Variants in CLIP2 observed in about 807,000 individuals in gnomAD.
The protein encoded by CLIP2 is CAP-Gly domain containing linker protein 2, also known as CAP-Gly domain-containing linker protein 2.
A neutral mutation model predicts 111.7 loss-of-function variants in CLIP2; 41 were observed. The observed-to-expected ratio is 0.37, with a 90% CI of 0.29 to 0.48. The LOEUF (loss-of-function observed/expected upper bound fraction) is 0.48. Among genes scored for constraint, CLIP2 ranks in the 20% least tolerant of loss-of-function variants. The probability of loss-of-function intolerance (pLI) is 0.99; values close to 1 mark genes in which losing one functional copy is unlikely to be tolerated. For synonymous variants in CLIP2, 660 were observed against 644.2 expected, an observed-to-expected ratio of 1.02 and a Z score of -0.37; for missense variants, 1,160 against 1,422.1, an observed-to-expected ratio of 0.82 and a Z score of 2.96.
chr7:74,397,728 G>A (rs567550981), intron 14 of CLIP2, among the ~76,000 whole-genome samples: 11 of 144,436 alleles, frequency 7.6e-5, no homozygotes, highest in South Asian at 2.3e-4. Flanking sequence ...GTGCAGTGGC[G>A]CGATCTCAGC....
intron 13 of CLIP2, among the ~76,000 whole-genome samples, chr7:74,393,269 C>T (rs1791347942): frequency 6.6e-6 from 1 of 151,960 alleles, no homozygotes; most frequent in Admixed American, 6.6e-5. Context: ...CTCAAGTGAT[C>T]TGCCTGCCTC....
At chr7:74,344,872 T>C (rs1277195356) in intron 3 of CLIP2, among the ~76,000 whole-genome samples, 1 of 151,966 alleles carries the variant, frequency 6.6e-6, no homozygotes, top group Non-Finnish European at 1.5e-5. Flanking sequence ...AACAACCCAG[T>C]CTCACAGACG....
rs147869958 is a variant in CLIP2, at chr7:74,338,479, C to T, written c.153C>T (p.Pro51=). The part of the protein sequence containing the change: ...GSPLHKQSSG[P]SSSPAAAAAP... Reference sequence around the variant, plus strand: ...CACTGCACAAACAGTCATCTGGACCCTCCTCCTCCCCGGCCGCAGCTGCTG... The same window carrying T: ...CACTGCACAAACAGTCATCTGGACCTTCCTCCTCCCCGGCCGCAGCTGCTG... Residue 51 remains proline (P), a synonymous_variant, in exon 3 of 17, where the codon CCC becomes CCT. Coordinates refer to ENST00000223398, the MANE Select transcript of CLIP2 (RefSeq NM_003388.5). This position sits in a 1 kb window ranked among gnomAD's most constrained non-coding sequence, Gnocchi z 4.3. 352 of 1,612,290 alleles carry T rather than the reference C, an allele frequency of 2.2e-4. 1 individual carries two copies. In the African/African-American group the frequency reaches 3.9e-3, roughly 18 times the overall value.
intron 14 of CLIP2, among the ~76,000 whole-genome samples, chr7:74,400,149 CAAA>C (rs781818573): frequency 9.4e-4 from 52 of 55,548 alleles, no homozygotes; most frequent in Admixed American, 3.5e-3. Context: ...GACTCTGTCT[CAAA>C]AAAAAAAAAA....
chr7:74,387,842 G>A (rs563387356), intron 12 of CLIP2, among the ~76,000 whole-genome samples: 4 of 152,278 alleles, frequency 2.6e-5, no homozygotes, highest in African/African-American at 4.8e-5. Flanking sequence ...GTTCTCTCAG[G>A]CCCCTTGCCA....
Position 74,404,096 on chromosome 7 carries a change from GCC to G in CLIP2, c.*249_*250del. On this transcript the variant is annotated 3_prime_UTR_variant, in exon 17 of 17. Coordinates refer to ENST00000223398, the MANE Select transcript of CLIP2 (RefSeq NM_003388.5). ...CCCCGGCCTGACCCGGGGACCTTCA[GCC>G]TGGACACCCGGCAGCTTCTGGAGTT... The G allele has an allele frequency of 2.0e-6, 1 of 510,670 alleles. No homozygotes were observed. The highest frequency in any genetic ancestry group is 2.1e-5 in the South Asian group (1 of 47,448). The allele number at this position is 510,670 out of a possible 1,614,324, so 31.6% of individuals were successfully genotyped here.
chr7:74,343,354 G>C (rs1224973083), intron 3 of CLIP2, among the ~76,000 whole-genome samples: 1 of 152,036 alleles, frequency 6.6e-6, no homozygotes, highest in Non-Finnish European at 1.5e-5. Flanking sequence ...CATCCAACAG[G>C]ACCTGGGCAA....
intron 7 of CLIP2, among the ~76,000 whole-genome samples, chr7:74,361,176 T>TTTCTTTCC (rs782530912): frequency 2.1e-4 from 13 of 62,016 alleles, no homozygotes; most frequent in African/African-American, 7.5e-4. Context: ...CCCTCCCTTC[T>TTTCTTTCC]TTCCTTCCTT....
intron 8 of CLIP2, among the ~76,000 whole-genome samples, chr7:74,366,769 C>T (rs938544946): frequency 2.0e-5 from 3 of 150,964 alleles, no homozygotes; most frequent in African/African-American, 2.4e-5. Context: ...CCAGCTACTC[C>T]GGAGGCTGAG....
In CLIP2 at chr7:74,338,286, G is replaced by C. The variant is rs1289195116; in HGVS notation, c.122-162G>C. 6.6e-6 allele frequency among the ~76,000 whole-genome samples: 1 copy of C among 152,140 alleles called. No homozygotes were observed. The highest frequency in any genetic ancestry group is 1.5e-5 in the Non-Finnish European group (1 of 68,038). ...GGAAGCCAAGGCGGGCGGATTTCTT[G>C]AGGTCAGGAGTTCGAGACCAGCCTG... is the stretch of plus-strand genomic sequence containing the variant. On this transcript the variant is annotated intron_variant, in intron 2 of 16. Transcript: ENST00000223398. The surrounding 1 kb of genome is among the most constrained non-coding windows in gnomAD (Gnocchi z 4.3).
Position 74,330,578 on chromosome 7 carries a change from T to A in CLIP2, c.122-7870T>A, listed in dbSNP as rs542395637. ...AGCCGGTGTTTCTTAATTGATTCAT[T>A]TTTTGTTGTTCCCTATTCCTCTTCC... On this transcript the variant is annotated intron_variant, in intron 2 of 16. Coordinates refer to ENST00000223398, the MANE Select transcript of CLIP2 (RefSeq NM_003388.5). Among the ~76,000 whole-genome samples the A allele has an allele frequency of 5.3e-5, 8 of 151,988 alleles. No homozygotes were observed. In the East Asian group the frequency reaches 1.4e-3, roughly 26 times the overall value.
Position 74,380,817 on chromosome 7 carries a change from G to A in CLIP2, c.2433G>A (p.Ser811=), listed in dbSNP as rs140367898. ...CSSQHTHMIE[S]NDISEETIRT... ...GGCTCTTTTTGCAGATGATTGAGTCGAATGACATTTCAGAGGAGACGATCA... is the reference window on the plus strand; with the variant it reads ...GGCTCTTTTTGCAGATGATTGAGTCAAATGACATTTCAGAGGAGACGATCA... Residue 811 remains serine, a synonymous_variant, in exon 11 of 17, where the codon TCG becomes TCA. Coordinates refer to ENST00000223398, the MANE Select transcript of CLIP2 (RefSeq NM_003388.5). The A allele has an allele frequency of 1.1e-5, 17 of 1,607,798 alleles. No individual in the cohort carries two copies. Among genetic ancestry groups the A allele is most frequent in the Non-Finnish European group, 1.4e-5 (16 of 1,175,806 alleles).
At chr7:74,295,034 C>T (rs971168879) in intron 1 of CLIP2, among the ~76,000 whole-genome samples, 4 of 152,232 alleles carry the variant, frequency 2.6e-5, no homozygotes, top group Middle Eastern at 3.4e-3. Flanking sequence ...GATCTCGGCT[C>T]ACTGCAGCTT....
At chr7:74,342,642 G>A (rs972595547) in intron 3 of CLIP2, among the ~76,000 whole-genome samples, 2 of 152,068 alleles carry the variant, frequency 1.3e-5, no homozygotes, top group African/African-American at 4.8e-5. Context: ...GGCCGTGTGC[G>A]GTGGCTCACA....
At chr7:74,377,784 A>G (rs1790833985) in intron 10 of CLIP2, among the ~76,000 whole-genome samples, 3 of 152,100 alleles carry the variant, frequency 2.0e-5, no homozygotes, top group Non-Finnish European at 1.5e-5. Flanking sequence ...GCCTGTATAC[A>G]AATTGTACTC....
intron 1 of CLIP2, among the ~76,000 whole-genome samples, chr7:74,300,284 G>A (rs1788295479): frequency 6.6e-6 from 1 of 152,066 alleles, no homozygotes; most frequent in South Asian, 2.1e-4. Context: ...CCCACACCCA[G>A]CCTCTTCCCA....
chr7:74,306,114 G>A (rs1434787553), intron 1 of CLIP2, among the ~76,000 whole-genome samples: 3 of 152,024 alleles, frequency 2.0e-5, no homozygotes, highest in Non-Finnish European at 4.4e-5. Context: ...TTTCCTTTGC[G>A]GGATCCCAGA....
rs1337447782 is a variant in CLIP2, at chr7:74,338,232, T to C, written c.122-216T>C. 6.6e-6 allele frequency among the ~76,000 whole-genome samples: 1 copy of C among 151,966 alleles called. No homozygotes were observed. Among genetic ancestry groups the C allele is most frequent in the Non-Finnish European group, 1.5e-5 (1 of 68,006 alleles). On this transcript the variant is annotated intron_variant, in intron 2 of 16. Transcript: ENST00000223398. The surrounding 1 kb of genome is among the most constrained non-coding windows in gnomAD (Gnocchi z 4.3). ...GTAAATAAACAGGGGTTGGGTGTGG[T>C]GCCTCACGCCTGTAATCCCAGCAAT...
intron 9 of CLIP2, among the ~76,000 whole-genome samples, chr7:74,374,598 G>A (rs1399823362): frequency 6.6e-6 from 1 of 152,146 alleles, no homozygotes; most frequent in African/African-American, 2.4e-5. Context: ...GTGCACGCCT[G>A]TAGTCCCAGC....
Sources: allele counts gnomAD v4.1 joint callset (sites outside exome capture counted in the v4.1 genomes callset), GRCh38; gene constraint gnomAD v4.1.1; non-coding constraint Gnocchi (gnomAD v3.1); transcripts MANE v1.5; gene names NCBI Gene and HGNC (gene_info 2026-07-23, HGNC 2026-07-21).